COL19A1: variants seen among roughly 807,000 people sequenced by gnomAD.
COL19A1 encodes the protein collagen type XIX alpha 1 chain.
Under a neutral mutation model 190.2 loss-of-function variants are expected in COL19A1, and 159 were observed. That is an observed-to-expected ratio of 0.84 (90% CI 0.73 to 0.95). The LOEUF is 0.95. Among genes scored for constraint, COL19A1 ranks in the 40% least tolerant of loss-of-function variants. The probability of loss-of-function intolerance (pLI) is 0.00; values close to 1 mark genes in which losing one functional copy is unlikely to be tolerated. For synonymous variants in COL19A1, 509 were observed against 458.9 expected (o/e 1.11, Z -1.39); for missense variants, 1,418 against 1,431.9 (o/e 0.99, Z 0.16).
intron 13 of COL19A1, 74 bp from the exon 14 acceptor site, chr6:70,035,830 T>A: frequency 8.1e-7 from 1 of 1,236,696 alleles, no homozygotes; most frequent in African/African-American, 1.5e-5. Context: ...ATTGCTTCTA[T>A]CCACCTAGAA....
At chr6:70,034,766 T>C (rs1779259695) in intron 13 of COL19A1, among the ~76,000 whole-genome samples, 1 of 152,200 alleles carries the variant, frequency 6.6e-6, no homozygotes, top group Non-Finnish European at 1.5e-5. Context: ...GAAAAGGAAA[T>C]TAAGAAATAG....
chr6:70,004,964 C>G (rs186907593), intron 11 of COL19A1, among the ~76,000 whole-genome samples: 1 of 152,090 alleles, frequency 6.6e-6, no homozygotes, highest in East Asian at 1.9e-4. Flanking sequence ...TCCTGAGTAG[C>G]TGGGACTACA....
intron 22 of COL19A1, 86 bp downstream of exon 22, chr6:70,142,162 C>T: frequency 8.2e-7 from 1 of 1,221,858 alleles, no homozygotes; most frequent in Non-Finnish European, 1.2e-6. Context: ...TGGTATGCCA[C>T]TCATTTTCTT....
At chr6:69,902,536 A>G (rs56163905) in intron 4 of COL19A1, among the ~76,000 whole-genome samples, 23,566 of 152,134 alleles carry the variant, frequency 0.15, 2,266 homozygotes, top group African/African-American at 0.26. Context: ...AACAAGGGTA[A>G]ATCGTGAGTC....
chr6:70,099,821 C>T (rs1166869424), intron 15 of COL19A1, among the ~76,000 whole-genome samples: 1 of 152,202 alleles, frequency 6.6e-6, no homozygotes, highest in Non-Finnish European at 1.5e-5. Context: ...TGCATGTCCA[C>T]TCGGCAAAAT....
At chr6:69,917,218 ACTT>A (rs1239997945) in intron 4 of COL19A1, among the ~76,000 whole-genome samples, 1 of 152,204 alleles carries the variant, frequency 6.6e-6, no homozygotes, top group Non-Finnish European at 1.5e-5. Context: ...TTTGTTAAGG[ACTT>A]CTTTTTCTAT....
intron 15 of COL19A1, among the ~76,000 whole-genome samples, chr6:70,077,506 A>T (rs1781948565): frequency 6.6e-6 from 1 of 152,292 alleles, no homozygotes; most frequent in East Asian, 1.9e-4. Flanking sequence ...TATTTATTTG[A>T]TATCTCTAAT....
At chr6:69,907,985 G>T (rs1251454397) in intron 4 of COL19A1, among the ~76,000 whole-genome samples, 1 of 152,154 alleles carries the variant, frequency 6.6e-6, no homozygotes, top group Admixed American at 6.5e-5. Flanking sequence ...CTTCATAGAA[G>T]GCAACTGAGA....
At chr6:70,100,502 C>G (rs1244240671) in intron 15 of COL19A1, among the ~76,000 whole-genome samples, 1 of 150,860 alleles carries the variant, frequency 6.6e-6, no homozygotes, top group East Asian at 1.9e-4. Flanking sequence ...AGAGAAAACA[C>G]TACTATTAAT....
intron 37 of COL19A1, among the ~76,000 whole-genome samples, chr6:70,167,149 G>A (rs1480339748): frequency 1.3e-5 from 2 of 152,174 alleles, no homozygotes; most frequent in Admixed American, 6.5e-5. Context: ...AATGGATGGA[G>A]CGTTTGTCTT....
chr6:70,103,206 C>A (rs184563092), intron 16 of COL19A1, among the ~76,000 whole-genome samples: 32 of 152,158 alleles, frequency 2.1e-4, no homozygotes, highest in Admixed American at 8.5e-4. Context: ...TGTTCTTCAT[C>A]CTCTTCATCT....
intron 35 of COL19A1, 69 bp from the exon 36 acceptor site, chr6:70,163,274 A>C: frequency 7.0e-7 from 1 of 1,419,516 alleles, no homozygotes; most frequent in South Asian, 1.2e-5. Context: ...AGTTTTAGTA[A>C]CCAACTTCCA....
At chr6:69,878,973 T>G (rs1247322860) in intron 1 of COL19A1, among the ~76,000 whole-genome samples, 66 of 152,204 alleles carry the variant, frequency 4.3e-4, no homozygotes, top group Non-Finnish European at 1.0e-4. Context: ...TGATTCCACT[T>G]ATATGAAGTA....
chr6:70,084,741 A>G (rs1267133502), intron 15 of COL19A1, among the ~76,000 whole-genome samples: 2 of 152,202 alleles, frequency 1.3e-5, no homozygotes, highest in African/African-American at 2.4e-5. Flanking sequence ...GGTGAAGCCA[A>G]CCAACCCACA....
chr6:70,184,712 G>A lies in COL19A1; in HGVS notation c.2785G>A (p.Gly929Arg). 1.9e-6 allele frequency: 3 copies of A among 1,596,344 alleles called. No homozygotes were observed. The highest frequency in any genetic ancestry group is 2.6e-6 in the Non-Finnish European group (3 of 1,166,614). Residue 929 changes from glycine to arginine, a missense_variant, in exon 45 of 51, where the codon GGA becomes AGA. Coordinates refer to ENST00000620364, the MANE Select transcript of COL19A1 (RefSeq NM_001858.6). Reference sequence around the variant, plus strand: ...CTTTTTTTCTTTATAGGGAATAAATGGAAAAGATGGAATACCAGGTGCTCA... The same window carrying A: ...CTTTTTTTCTTTATAGGGAATAAATAGAAAAGATGGAATACCAGGTGCTCA... ...EGPSGKPGIN[G>R]KDGIPGAQGI...
rs1768098298 is a variant in COL19A1, at chr6:70,210,108, T to G, written c.*2834T>G. ...TTTCATGAATAACTCTTGTTTGCAC[T>G]CCAGAAAACAACATACATGTTTAAA... On this transcript the variant is annotated 3_prime_UTR_variant, in exon 51 of 51. Transcript: ENST00000620364. 6.6e-6 allele frequency: 1 copy of G among 152,144 alleles called. No homozygotes were observed. The highest frequency in any genetic ancestry group is 2.4e-5 in the African/African-American group (1 of 41,440). 9.4% of individuals were successfully genotyped at this position (152,144 alleles called of 1,614,324 possible). A position where few individuals can be genotyped will look rare whatever the true frequency, so the allele number is the denominator to read the frequency against.
At chr6:70,026,856 C>T (rs956268052) in intron 12 of COL19A1, among the ~76,000 whole-genome samples, 2 of 152,074 alleles carry the variant, frequency 1.3e-5, no homozygotes, top group African/African-American at 2.4e-5. Context: ...TTTTAAAATA[C>T]TAAAATTGGC....
In COL19A1 at chr6:70,141,038, G is replaced by T. The variant is rs200462809; in HGVS notation, c.1482+49G>T. On this transcript the variant is annotated intron_variant, in intron 20 of 50. Coordinates refer to ENST00000620364, the MANE Select transcript of COL19A1 (RefSeq NM_001858.6). ...CTTGGGTTTTCTACTTCATTGATTT[G>T]TTTCTCTCTGATTTTCTGGTATGTT... The T allele has an allele frequency of 2.6e-4, 391 of 1,513,596 alleles. 1 individual carries two copies. Among genetic ancestry groups the T allele is most frequent in the Non-Finnish European group, 2.9e-4 (324 of 1,099,636 alleles). The allele number at this position is 1,513,596 out of a possible 1,614,324, so 93.8% of individuals were successfully genotyped here. A position where few individuals can be genotyped will look rare whatever the true frequency, so the allele number is the denominator to read the frequency against.
chr6:70,017,397 G>A (rs1020270027), intron 11 of COL19A1, among the ~76,000 whole-genome samples: 3 of 152,238 alleles, frequency 2.0e-5, no homozygotes, highest in Non-Finnish European at 4.4e-5. Flanking sequence ...TTAGTCTTAG[G>A]TTGTGGTGAT....
Sources: allele counts gnomAD v4.1 joint callset (sites outside exome capture counted in the v4.1 genomes callset), GRCh38; gene constraint gnomAD v4.1.1; transcripts MANE v1.5; gene names NCBI Gene and HGNC (gene_info 2026-07-23, HGNC 2026-07-21).